The following FOLH1 variants were observed in gnomAD, a reference collection of about 807,000 sequenced individuals.
FOLH1 encodes folate hydrolase 1.
Under a neutral mutation model 93.9 loss-of-function variants are expected in FOLH1, and 54 were observed. The observed-to-expected ratio is 0.57, with a 90% CI of 0.46 to 0.72. The LOEUF is 0.72. Among genes scored for constraint, FOLH1 ranks in the 30% least tolerant of loss-of-function variants. The pLI, the probability that FOLH1 is intolerant of heterozygous loss-of-function variation, is 0.00. For missense variants in FOLH1, 571 were observed against 892.5 expected (o/e 0.64, Z 4.59); for synonymous variants, 249 against 303.6 (o/e 0.82, Z 1.87).
intron 13 of FOLH1, among the ~76,000 whole-genome samples, chr11:49,161,262 G>T (rs1306642623): frequency 1.3e-5 from 2 of 152,152 alleles, no homozygotes; most frequent in Non-Finnish European, 2.9e-5. Flanking sequence ...GGGAGTCTAA[G>T]TCTCTTTGAA....
chr11:49,164,326 T>C (rs1041120679), intron 13 of FOLH1, among the ~76,000 whole-genome samples: 1 of 152,222 alleles, frequency 6.6e-6, no homozygotes, highest in Non-Finnish European at 1.5e-5. Context: ...TCTGAATTAA[T>C]TGGTATCACT....
chr11:49,194,718 C>T (rs901050175), intron 3 of FOLH1, among the ~76,000 whole-genome samples: 1 of 151,794 alleles, frequency 6.6e-6, no homozygotes, highest in Non-Finnish European at 1.5e-5. Context: ...TACCAATTGA[C>T]AAGCAGTGAC....
At chr11:49,206,766 A>G (rs1446770525) in intron 1 of FOLH1, 3 of 1,535,776 alleles carry the variant, frequency 2.0e-6, no homozygotes, top group East Asian at 2.4e-5. Flanking sequence ...CTACAATGAA[A>G]CTACAATTTA....
At chr11:49,170,909 T>C (rs1292485789) in intron 11 of FOLH1, among the ~76,000 whole-genome samples, 1 of 152,158 alleles carries the variant, frequency 6.6e-6, no homozygotes, top group Non-Finnish European at 1.5e-5. Flanking sequence ...TGATGTTTGG[T>C]TTCTAGCATA....
chr11:49,184,583 T>A (rs1017345349), intron 6 of FOLH1, among the ~76,000 whole-genome samples: 1 of 152,134 alleles, frequency 6.6e-6, no homozygotes, highest in African/African-American at 2.4e-5. Flanking sequence ...GTAATATGTG[T>A]CATTTTTTAA....
chr11:49,206,443 A>G, intron 1 of FOLH1: 2 of 654,956 alleles, frequency 3.1e-6, no homozygotes, highest in East Asian at 3.3e-5. Context: ...GTTTTATGAG[A>G]TAATCAGGAC....
At chr11:49,188,620 A>G (rs959649231) in intron 4 of FOLH1, among the ~76,000 whole-genome samples, 2 of 152,168 alleles carry the variant, frequency 1.3e-5, no homozygotes, top group Non-Finnish European at 2.9e-5. Context: ...TAACCATAAA[A>G]TTTGATTAGA....
At chr11:49,166,624 G>C (rs1311307385) in intron 12 of FOLH1, among the ~76,000 whole-genome samples, 1 of 152,112 alleles carries the variant, frequency 6.6e-6, no homozygotes, top group Non-Finnish European at 1.5e-5. Flanking sequence ...AGTTTGCATT[G>C]GGGAGTTTCG....
At chr11:49,167,412 C>T (rs189493661) in intron 12 of FOLH1, among the ~76,000 whole-genome samples, 48 of 152,144 alleles carry the variant, frequency 3.2e-4, no homozygotes, top group Admixed American at 2.5e-3. Flanking sequence ...AGGCATCTGA[C>T]GCCAAAGGTC....
At chr11:49,199,080 G>A (rs1862998709) in intron 3 of FOLH1, among the ~76,000 whole-genome samples, 1 of 151,880 alleles carries the variant, frequency 6.6e-6, no homozygotes, top group African/African-American at 2.4e-5. Context: ...GTCAATAAAA[G>A]GAGGTTATTG....
At chr11:49,200,223 A>C in intron 3 of FOLH1, 32 bp downstream of exon 3, 2 of 1,421,402 alleles carry the variant, frequency 1.4e-6, no homozygotes, top group Non-Finnish European at 1.9e-6. Context: ...AATGGGGGGA[A>C]TGTTTCTTTT....
chr11:49,198,173 C>T (rs609054), intron 3 of FOLH1, among the ~76,000 whole-genome samples: 1 of 151,018 alleles, frequency 6.6e-6, no homozygotes, highest in South Asian at 2.1e-4. Flanking sequence ...TGAGGAGGAA[C>T]GAAAAAAGAA....
At chr11:49,167,169 C>A (rs1189254501) in intron 12 of FOLH1, among the ~76,000 whole-genome samples, 1 of 152,036 alleles carries the variant, frequency 6.6e-6, no homozygotes, top group Non-Finnish European at 1.5e-5. Context: ...ATATATTTCA[C>A]CTTATGTGTT....
intron 6 of FOLH1, among the ~76,000 whole-genome samples, chr11:49,183,899 G>C (rs1342682854): frequency 6.6e-6 from 1 of 151,936 alleles, no homozygotes; most frequent in African/African-American, 2.4e-5. Context: ...GAACTTTCCA[G>C]AGTGATGGAA....
chr11:49,200,056 T>C (rs1288191064), intron 3 of FOLH1, among the ~76,000 whole-genome samples, 199 bp downstream of exon 3: 1 of 152,198 alleles, frequency 6.6e-6, no homozygotes, highest in Non-Finnish European at 1.5e-5. Context: ...ATTTCTCGAA[T>C]CTTTCTAAAA....
chr11:49,180,702 T>C (rs1790421919), intron 7 of FOLH1, among the ~76,000 whole-genome samples: 1 of 152,212 alleles, frequency 6.6e-6, no homozygotes, highest in Non-Finnish European at 1.5e-5. Context: ...ATTTTCACAG[T>C]GAAATTCATA....
chr11:49,186,610 G>C, intron 5 of FOLH1, 34 bp downstream of exon 5: 1 of 1,591,950 alleles, frequency 6.3e-7, no homozygotes, highest in Non-Finnish European at 8.6e-7. Flanking sequence ...TTTTACATTG[G>C]GGGAGAGAAA....
intron 15 of FOLH1, 84 bp downstream of exon 15, chr11:49,156,633 C>T: frequency 7.0e-7 from 1 of 1,428,920 alleles, no homozygotes; most frequent in Non-Finnish European, 9.8e-7. Flanking sequence ...TCCTCTAATG[C>T]TTGAGTCACT....
intron 4 of FOLH1, among the ~76,000 whole-genome samples, chr11:49,187,980 T>C (rs1216207351): frequency 6.6e-6 from 1 of 152,204 alleles, no homozygotes; most frequent in Non-Finnish European, 1.5e-5. Flanking sequence ...GCAGGGTGAC[T>C]TCTCCCTCTG....
Sources: allele counts gnomAD v4.1 joint callset (sites outside exome capture counted in the v4.1 genomes callset), GRCh38; gene constraint gnomAD v4.1.1; transcripts MANE v1.5; gene names NCBI Gene and HGNC (gene_info 2026-07-23, HGNC 2026-07-21).